Variants in NRXN3 observed in about 807,000 individuals in gnomAD.
NRXN3 encodes the protein neurexin III.
In NRXN3, 32 loss-of-function variants were observed where a neutral mutation model predicts 137.6. That is an observed-to-expected ratio of 0.23 (90% CI 0.18 to 0.31). NRXN3 has a LOEUF of 0.31. Among genes scored for constraint, NRXN3 ranks in the 10% least tolerant of loss-of-function variants. The pLI, the probability that NRXN3 is intolerant of heterozygous loss-of-function variation, is 1.00. For missense variants in NRXN3, 1,574 were observed against 2,062.5 expected (o/e 0.76, Z 4.59); for synonymous variants, 798 against 784.5 (o/e 1.02, Z -0.29).
At chr14:78,763,391 ATGT>A (rs1478012318) in intron 8 of NRXN3, among the ~76,000 whole-genome samples, 1 of 152,140 alleles carries the variant, frequency 6.6e-6, no homozygotes, top group Non-Finnish European at 1.5e-5. Flanking sequence ...ATACCTTGAA[ATGT>A]TGTTGTAAGC....
At chr14:78,885,379 T>G (rs1396417988) in intron 10 of NRXN3, among the ~76,000 whole-genome samples, 1 of 151,288 alleles carries the variant, frequency 6.6e-6, no homozygotes, top group East Asian at 1.9e-4. Flanking sequence ...ATAAGGGGAG[T>G]GTTGATTTAA....
intron 16 of NRXN3, among the ~76,000 whole-genome samples, chr14:79,658,976 G>A (rs2098519815): frequency 6.6e-6 from 1 of 152,180 alleles, no homozygotes; most frequent in Admixed American, 6.5e-5. Context: ...TTATTCCTGA[G>A]AATTCTTCTT....
chr14:78,391,166 G>A (rs953073233), intron 4 of NRXN3, among the ~76,000 whole-genome samples: 9 of 152,098 alleles, frequency 5.9e-5, no homozygotes, highest in African/African-American at 2.2e-4. Context: ...CCCCTGTTCT[G>A]ATTATCTTGT....
At chr14:78,439,474 A>G (rs2153694916) in intron 4 of NRXN3, among the ~76,000 whole-genome samples, 1 of 152,300 alleles carries the variant, frequency 6.6e-6, no homozygotes, top group African/African-American at 2.4e-5. Context: ...TGAAAGGCAA[A>G]TGTAATTGGC....
At chr14:79,713,713 T>A (rs1229327008) in intron 19 of NRXN3, among the ~76,000 whole-genome samples, 3 of 150,780 alleles carry the variant, frequency 2.0e-5, no homozygotes, top group Non-Finnish European at 4.4e-5. Context: ...TTCAACTCTT[T>A]TTTGTATTCC....
chr14:78,825,383 C>G lies in NRXN3; in HGVS notation c.2275+15039C>G, dbSNP rs75378403. On this transcript the variant is annotated intron_variant, in intron 10 of 20. Coordinates refer to ENST00000335750, the MANE Select transcript of NRXN3 (RefSeq NM_001330195.2). ...TGCGTGATAGAAAGAATGGAACCTTCAGGTCCAGTTAAACCTGCTCTGCTA... is the reference window on the plus strand; with the variant it reads ...TGCGTGATAGAAAGAATGGAACCTTGAGGTCCAGTTAAACCTGCTCTGCTA... Among the ~76,000 whole-genome samples the G allele has an allele frequency of 7.1e-3, 1,088 of 152,168 alleles. 8 individuals carry two copies. The highest frequency in any genetic ancestry group is 0.02 in the Middle Eastern group (6 of 294).
At chr14:79,383,658 G>C (rs756577565) in intron 15 of NRXN3, among the ~76,000 whole-genome samples, 4 of 152,084 alleles carry the variant, frequency 2.6e-5, no homozygotes, top group African/African-American at 4.8e-5. Context: ...GGGACCATCC[G>C]AGTAATAAAT....
rs1027015102 is a variant in NRXN3, at chr14:79,866,408, G to A, written c.*4444G>A. The A allele has an allele frequency of 1.3e-5, 2 of 152,200 alleles. No individual in the cohort carries two copies. The highest frequency in any genetic ancestry group is 2.4e-5 in the African/African-American group (1 of 41,444). The allele number at this position is 152,200 out of a possible 1,614,324, so 9.4% of individuals were successfully genotyped here. ...AAGTTGGGAGCTTAGAAGAAATTAT[G>A]TAAGGGAAGGCTTCATAGAAGGGGT... is the stretch of plus-strand genomic sequence containing the variant. On this transcript the variant is annotated 3_prime_UTR_variant, in exon 21 of 21. Coordinates refer to ENST00000335750, the MANE Select transcript of NRXN3 (RefSeq NM_001330195.2).
At chr14:78,190,497 A>C (rs956445206) in intron 1 of NRXN3, among the ~76,000 whole-genome samples, 1 of 152,228 alleles carries the variant, frequency 6.6e-6, no homozygotes, top group African/African-American at 2.4e-5. Flanking sequence ...GAAGAACATT[A>C]TACAAATGAG....
intron 15 of NRXN3, among the ~76,000 whole-genome samples, chr14:79,143,274 A>G (rs1025343568): frequency 2.0e-5 from 3 of 152,118 alleles, no homozygotes; most frequent in Non-Finnish European, 4.4e-5. Flanking sequence ...TGCTTGGAGG[A>G]TTTTCCTATC....
At chr14:78,712,375 C>T (rs888717900) in intron 7 of NRXN3, among the ~76,000 whole-genome samples, 10 of 152,048 alleles carry the variant, frequency 6.6e-5, no homozygotes. Flanking sequence ...AAATGGTAGC[C>T]AGGACATTAT....
intron 20 of NRXN3, among the ~76,000 whole-genome samples, chr14:79,817,568 T>C (rs761891499): frequency 6.6e-6 from 1 of 152,180 alleles, no homozygotes; most frequent in Admixed American, 6.5e-5. Flanking sequence ...TCTATTCTTA[T>C]TATCTCCATT....
chr14:78,969,075 A>T (rs558712491), intron 14 of NRXN3, among the ~76,000 whole-genome samples: 5 of 152,330 alleles, frequency 3.3e-5, no homozygotes, highest in Admixed American at 3.3e-4. Flanking sequence ...AGGAGATCAG[A>T]AATACACATA....
intron 4 of NRXN3, among the ~76,000 whole-genome samples, chr14:78,552,928 AC>A (rs1306621728): frequency 2.4e-4 from 37 of 152,204 alleles, no homozygotes; most frequent in African/African-American, 8.9e-4. Flanking sequence ...TACTGATTTG[AC>A]CTTTATAAAT....
chr14:79,849,039 C>T (rs1234996047), intron 20 of NRXN3, among the ~76,000 whole-genome samples: 1 of 152,112 alleles, frequency 6.6e-6, no homozygotes, highest in Non-Finnish European at 1.5e-5. Flanking sequence ...GGGCCCCTGT[C>T]CCAACTCTCT....
intron 15 of NRXN3, among the ~76,000 whole-genome samples, chr14:79,435,627 C>CAT (rs1567120181): frequency 2.0e-5 from 3 of 151,014 alleles, no homozygotes; most frequent in Non-Finnish European, 4.4e-5. Flanking sequence ...CACACACACA[C>CAT]ACATACATTC....
intron 15 of NRXN3, among the ~76,000 whole-genome samples, chr14:79,169,648 T>C (rs1531633): frequency 0.26 from 40,006 of 152,108 alleles, 5,643 homozygotes; most frequent in Middle Eastern, 0.32. Context: ...TTGAGTTCTG[T>C]AGATTTTGTC....
chr14:79,440,928 G>A (rs2095930170), intron 15 of NRXN3, among the ~76,000 whole-genome samples: 1 of 152,080 alleles, frequency 6.6e-6, no homozygotes, highest in African/African-American at 2.4e-5. Flanking sequence ...ATGCTATTCA[G>A]GAGACAAATT....
At chr14:79,197,096 T>C (rs1172381144) in intron 15 of NRXN3, among the ~76,000 whole-genome samples, 1 of 152,220 alleles carries the variant, frequency 6.6e-6, no homozygotes, top group African/African-American at 2.4e-5. Flanking sequence ...CAAATTCTTT[T>C]CTGTTTCTAC....
Sources: gnomAD v4.1 joint callset for allele counts (sites outside exome capture counted in the v4.1 genomes callset) on GRCh38, gnomAD v4.1.1 for gene constraint, MANE v1.5 for transcripts, NCBI Gene and HGNC (gene_info 2026-07-23, HGNC 2026-07-21) for gene names.